KRT83: variants seen among roughly 807,000 people sequenced by gnomAD.
KRT83 encodes the protein keratin 83, also known as keratin, type II cuticular Hb3.
A neutral mutation model predicts 52.9 loss-of-function variants in KRT83; 51 were observed. The ratio of observed to expected loss-of-function variants is 0.96; its 90% confidence interval spans 0.77 to 1.22. KRT83 has a LOEUF of 1.22. Among genes scored for constraint, KRT83 ranks in the 50% most tolerant of loss-of-function variants. KRT83 has a pLI of 0.00. For missense variants in KRT83, 654 were observed against 666.5 expected (o/e 0.98, Z 0.21); for synonymous variants, 278 against 274.1 (o/e 1.01, Z -0.14).
At position 52,321,215 on chromosome 12, in the gene KRT83, A is replaced by C. The variant is rs1329209560; in HGVS notation, c.121T>G (p.Ser41Ala). The change falls in exon 1 of 9, where the codon TCC becomes GCC. Residue 41 changes from serine (S) to alanine (A), a missense_variant. Coordinates refer to ENST00000293670, the MANE Select transcript of KRT83 (RefSeq NM_002282.3). ...CCCCCGGTGAGGCCGCGGTAGCAGG[A>C]GATGCCGCGGTAGGGGGCGGCGGTG... ...CITAAPYRGI[S>A]CYRGLTGGFG... The C allele has an allele frequency of 6.2e-7, 1 of 1,613,332 alleles. No homozygotes were observed.
chr12:52,316,897 G>T lies in KRT83; in HGVS notation c.877C>A (p.Arg293Ser), dbSNP rs143037477. The T allele has an allele frequency of 1.2e-6, 2 of 1,614,188 alleles. No individual in the cohort carries two copies. The highest frequency in any genetic ancestry group is 2.2e-5 in the South Asian group (2 of 91,080). The stretch of plus-strand genomic sequence containing the variant: ...CAGGACTCGGCCTCAGCCCGGCTAC[G>T]GGTGGCAATGTCATCATACTGTGCC... Reference protein sequence around the residue: ...IKAQYDDIATRSRAEAESWYR... With the variant: ...IKAQYDDIATSSRAEAESWYR... Residue 293 changes from arginine to serine, a missense_variant, in exon 5 of 9, where the codon CGT becomes AGT. Physicochemically the swap from Arg to Ser is moderately radical, Grantham distance 110. Transcript: ENST00000293670.
intron 1 of KRT83, among the ~76,000 whole-genome samples, chr12:52,319,586 C>T (rs146997601): frequency 6.6e-6 from 1 of 152,332 alleles, no homozygotes; most frequent in African/African-American, 2.4e-5. Context: ...TACCTGGTGT[C>T]ATGGAAAATG....
At chr12:52,319,017 C>A in intron 2 of KRT83, 139 bp downstream of exon 2, 1 of 1,278,288 alleles carries the variant, frequency 7.8e-7, no homozygotes, top group South Asian at 1.2e-5. Flanking sequence ...CCAAGGGACC[C>A]CTGTGTCTCA....
intron 4 of KRT83, among the ~76,000 whole-genome samples, chr12:52,317,403 T>C (rs1938703938): frequency 6.6e-6 from 1 of 152,188 alleles, no homozygotes; most frequent in Non-Finnish European, 1.5e-5. Flanking sequence ...GTGGGGTCTA[T>C]GCTGCAGTCC....
At chr12:52,318,110 A>G (rs935363996) in intron 2 of KRT83, 140 bp from the exon 3 acceptor site, 3 of 793,040 alleles carry the variant, frequency 3.8e-6, no homozygotes, top group Non-Finnish European at 6.6e-6. Context: ...GCTCTGCAGG[A>G]ACCAGGCTGC....
In KRT83 at chr12:52,316,854, C is replaced by T; in HGVS notation, c.915+5G>A. 6.2e-7 allele frequency: 1 copy of T among 1,614,174 alleles called. No individual in the cohort carries two copies. The highest frequency in any genetic ancestry group is 1.1e-5 in the South Asian group (1 of 91,076). On this transcript the variant is annotated splice_donor_5th_base_variant and intron_variant, in intron 5 of 8. Coordinates refer to ENST00000293670, the MANE Select transcript of KRT83 (RefSeq NM_002282.3). ...TCTAGCAGGCAGGTGTCCTGTGCCG[C>T]TCACCTTGCTGCGATACCAGGACTC...
chr12:52,314,430 A>C lies in KRT83; in HGVS notation c.*201T>G. On this transcript the variant is annotated 3_prime_UTR_variant, in exon 9 of 9. Coordinates refer to ENST00000293670, the MANE Select transcript of KRT83 (RefSeq NM_002282.3). ...AGGGGCTGAAGGCTGAGACAGGGGAAGGAATGGGTCTATTCCCCAGCCACA... is the reference window on the plus strand; with the variant it reads ...AGGGGCTGAAGGCTGAGACAGGGGACGGAATGGGTCTATTCCCCAGCCACA... The C allele has an allele frequency of 1.6e-6, 1 of 626,872 alleles. No individual in the cohort carries two copies. The highest frequency in any genetic ancestry group is 2.9e-6 in the Non-Finnish European group (1 of 346,186). 38.8% of individuals were successfully genotyped at this position (626,872 alleles called of 1,614,324 possible).
rs749085210 is a variant in KRT83 at position 52,319,312 on chromosome 12, TA to T, written c.436del (p.Tyr146ThrfsTer58). The T allele has an allele frequency of 1.9e-6, 3 of 1,614,084 alleles. No individual in the cohort carries two copies. The South Asian group carries it at 3.3e-5, about 18-fold the overall frequency. On this transcript the variant is annotated frameshift_variant, in exon 2 of 9. Coordinates refer to ENST00000293670, the MANE Select transcript of KRT83 (RefSeq NM_002282.3). LOFTEE classifies it high-confidence loss of function. ...NKLLETKLQF[Y>X]QNRECCQSNL... is the part of the protein sequence containing the mutation. Reference sequence around the variant, plus strand: ...ACTCTGGCAGCACTCGCGGTTTTGGTAGAACTGCAGCTTTGTCTCCAGCAGC... The same window carrying T: ...ACTCTGGCAGCACTCGCGGTTTTGGTGAACTGCAGCTTTGTCTCCAGCAGC...
At chr12:52,320,139 G>T (rs1938747205) in intron 1 of KRT83, among the ~76,000 whole-genome samples, 1 of 151,310 alleles carries the variant, frequency 6.6e-6, no homozygotes, top group Non-Finnish European at 1.5e-5. Flanking sequence ...TGCTATCCTT[G>T]GTCTCTCATG....
chr12:52,319,082 G>GGATACT, intron 2 of KRT83, 74 bp downstream of exon 2: 1 of 1,605,198 alleles, frequency 6.2e-7, no homozygotes, highest in African/African-American at 1.3e-5. Flanking sequence ...GCTGCAGACT[G>GGATACT]GATACTCCTC....
chr12:52,319,987 G>A (rs143893005), intron 1 of KRT83, among the ~76,000 whole-genome samples: 86 of 152,218 alleles, frequency 5.6e-4, no homozygotes, highest in Non-Finnish European at 9.7e-4. Flanking sequence ...CTCAAACTCC[G>A]ATCTTCTGCG....
In KRT83 at chr12:52,314,770, G is replaced by A. The variant is rs748947365; in HGVS notation, c.1343C>T (p.Ser448Leu). The change falls in exon 9 of 9, where the codon TCG (serine) becomes TTG (leucine). Residue 448 changes from serine to leucine, a missense_variant. Physicochemically the swap from Ser to Leu is moderately radical, Grantham distance 145. Transcript: ENST00000293670. ...GCTGCCCGTCACCGGCCGGGAGCCC[G>A]ACACGCAGAGATCCCCGCACACAAC... ...GGVVCGDLCV[S>L]GSRPVTGSVC... 6 of 1,605,266 alleles carry A rather than the reference G, an allele frequency of 3.7e-6. No individual in the cohort carries two copies. Among genetic ancestry groups the A allele is most frequent in the Admixed American group, 1.7e-5 (1 of 59,252 alleles).
In KRT83 at chr12:52,316,564, C is replaced by T. The variant is rs138807826; in HGVS notation, c.945G>A (p.Arg315=). The change falls in exon 6 of 9, where the codon AGG becomes AGA. Residue 315 remains arginine (R), a synonymous_variant. Transcript: ENST00000293670. The part of the protein sequence containing the change: ...KCEEMKATVI[R]HGETLRRTKE... Reference sequence around the variant, plus strand: ...TGGTGCGGCGCAGGGTCTCCCCGTGCCTGATCACTGTGGCCTTCATCTCCT... The same window carrying T: ...TGGTGCGGCGCAGGGTCTCCCCGTGTCTGATCACTGTGGCCTTCATCTCCT... 2.5e-4 allele frequency: 399 copies of T among 1,614,120 alleles called. 8 individuals are homozygous for T. The East Asian group carries it at 8.8e-3, about 36-fold the overall frequency.
In KRT83 at chr12:52,314,617, C is replaced by G. The variant is rs1209209855; in HGVS notation, c.*14G>C. 1 of 1,556,012 alleles carries G rather than the reference C, an allele frequency of 6.4e-7. No individual in the cohort carries two copies. Among genetic ancestry groups the G allele is most frequent in the Non-Finnish European group, 8.7e-7 (1 of 1,149,954 alleles). Reference sequence around the variant, plus strand: ...GCAGGCAGAAGGGGCTCCCCTGGCTCTCTTTTGGGCCACTTAATGCCTCCC... The same window carrying G: ...GCAGGCAGAAGGGGCTCCCCTGGCTGTCTTTTGGGCCACTTAATGCCTCCC... On this transcript the variant is annotated 3_prime_UTR_variant, in exon 9 of 9. Transcript: ENST00000293670.
rs769731414 is a variant in KRT83, at chr12:52,315,971, T to A, written c.1184A>T (p.Gln395Leu). 6 of 1,613,146 alleles carry A rather than the reference T, an allele frequency of 3.7e-6. No individual in the cohort carries two copies. The highest frequency in any genetic ancestry group is 5.1e-6 in the Non-Finnish European group (6 of 1,179,942). ...QDMACLIREY[Q>L]EVMNSKLGLD... ...GCCTAGCTTGGAGTTCATCACCTCC[T>A]GGTACTCCCTGATCAGGCAGGCCAT... Residue 395 changes from glutamine to leucine, a missense_variant, in exon 7 of 9, where the codon CAG (glutamine) becomes CTG (leucine). Gln to Leu is a moderately radical substitution (Grantham distance 113, BLOSUM62 -2). Transcript: ENST00000293670.
chr12:52,315,298 C>T lies in KRT83; in HGVS notation c.1294+14G>A, dbSNP rs1412730612. ...CCAGTCTACATTTTCCTTTTCAGGG[C>T]TCAAGATACTTACAGACATTCACAG... On this transcript the variant is annotated intron_variant, in intron 8 of 8. Coordinates refer to ENST00000293670, the MANE Select transcript of KRT83 (RefSeq NM_002282.3). The T allele has an allele frequency of 1.9e-6, 3 of 1,613,534 alleles. No individual in the cohort carries two copies. Among genetic ancestry groups the T allele is most frequent in the Non-Finnish European group, 8.5e-7 (1 of 1,179,530 alleles).
chr12:52,321,259 C>G lies in KRT83; in HGVS notation c.77G>C (p.Arg26Pro), dbSNP rs749161579. 1 of 1,613,402 alleles carries G rather than the reference C, an allele frequency of 6.2e-7. No homozygotes were observed. The highest frequency in any genetic ancestry group is 8.5e-7 in the Non-Finnish European group (1 of 1,179,940). The change falls in exon 1 of 9, where the codon CGG (arginine) becomes CCG (proline). Residue 26 changes from arginine (R) to proline (P), a missense_variant. Physicochemically the swap from Arg to Pro is moderately radical, Grantham distance 103. Transcript: ENST00000293670. ...GGCGGTGATGCAGCAGCGGCTTGGC[C>G]GGGGCCCGCAGGCAGAGACACAGCT... is the stretch of plus-strand genomic sequence containing the variant. ...NFSCVSACGP[R>P]PSRCCITAAP... is the part of the protein sequence containing the mutation.
intron 4 of KRT83, among the ~76,000 whole-genome samples, 153 bp downstream of exon 4, chr12:52,317,528 C>T (rs908750947): frequency 6.6e-5 from 10 of 152,192 alleles, no homozygotes; most frequent in Admixed American, 6.5e-4. Flanking sequence ...GTTTGCCTCC[C>T]TGTTCCTTCC....
chr12:52,321,388 C>A lies in KRT83; in HGVS notation c.-53G>T. ...TGGAGTAGATGGCAGAGGATGGAAC[C>A]AAGGGCCTGTGCTCCCTGGCTGATG... On this transcript the variant is annotated 5_prime_UTR_variant, in exon 1 of 9. Transcript: ENST00000293670. The A allele has an allele frequency of 6.2e-7, 1 of 1,611,400 alleles. No individual in the cohort carries two copies. Among genetic ancestry groups the A allele is most frequent in the South Asian group, 1.1e-5 (1 of 91,024 alleles).
Sources: allele counts gnomAD v4.1 joint callset (sites outside exome capture counted in the v4.1 genomes callset), GRCh38; gene constraint gnomAD v4.1.1; transcripts MANE v1.5; gene names NCBI Gene and HGNC (gene_info 2026-07-23, HGNC 2026-07-21).